The following DST variants were observed in gnomAD, a reference collection of about 807,000 sequenced individuals.
DST encodes bullous pemphigoid antigen.
In DST, 253 loss-of-function variants were observed where a neutral mutation model predicts 875.2. The observed-to-expected ratio is 0.29, with a 90% CI of 0.26 to 0.32. The LOEUF is 0.32. Among genes scored for constraint, DST ranks in the 10% least tolerant of loss-of-function variants. DST has a pLI of 1.00. For missense variants in DST, 8,287 were observed against 9,111.6 expected (o/e 0.91, Z 3.68); for synonymous variants, 3,124 against 3,197.1 (o/e 0.98, Z 0.77).
intron 4 of DST, among the ~76,000 whole-genome samples, chr6:56,778,369 T>C (rs2099683918): frequency 1.3e-5 from 2 of 150,544 alleles, no homozygotes; most frequent in Non-Finnish European, 2.9e-5. Flanking sequence ...TTTTTTTTTT[T>C]CAAATCTGTT....
intron 87 of DST, among the ~76,000 whole-genome samples, chr6:56,486,837 C>T (rs1174512298): frequency 5.3e-5 from 8 of 152,168 alleles, no homozygotes; most frequent in African/African-American, 9.6e-5. Context: ...CATGGGAAGA[C>T]GAGTCAGAAG....
chr6:56,516,158 AG>A (rs2096585750), intron 71 of DST, among the ~76,000 whole-genome samples: 1 of 75,450 alleles, frequency 1.3e-5, no homozygotes, highest in Non-Finnish European at 3.2e-5. Context: ...AAAGAGAAAG[AG>A]AGAAAGAGAA....
chr6:56,908,807 C>T (rs539475956), intron 2 of DST, among the ~76,000 whole-genome samples: 15 of 152,316 alleles, frequency 9.8e-5, no homozygotes, highest in African/African-American at 3.6e-4. Flanking sequence ...GACCTACAGT[C>T]GTCCTCACTG....
At chr6:56,730,419 G>C (rs1427529843) in intron 5 of DST, among the ~76,000 whole-genome samples, 2 of 151,830 alleles carry the variant, frequency 1.3e-5, no homozygotes, top group Non-Finnish European at 2.9e-5. Context: ...TAACTCATAG[G>C]TGCCATTTCT....
chr6:56,748,811 A>C (rs1040329144), intron 4 of DST, among the ~76,000 whole-genome samples: 5 of 152,206 alleles, frequency 3.3e-5, no homozygotes, highest in Non-Finnish European at 1.5e-5. Context: ...TCCACTGTAC[A>C]AAATTAAGAG....
intron 69 of DST, among the ~76,000 whole-genome samples, chr6:56,519,486 T>C (rs1162480435): frequency 2.0e-5 from 3 of 152,166 alleles, no homozygotes; most frequent in African/African-American, 7.2e-5. Flanking sequence ...GTTGAGACCA[T>C]GTGGGGAGGC....
intron 4 of DST, among the ~76,000 whole-genome samples, chr6:56,789,857 G>T (rs2099713411): frequency 1.3e-5 from 2 of 152,142 alleles, no homozygotes; most frequent in Admixed American, 1.3e-4. Flanking sequence ...CCCATCAATG[G>T]ACACTTAGCT....
intron 86 of DST, among the ~76,000 whole-genome samples, chr6:56,488,069 T>C (rs2095621055): frequency 1.3e-5 from 2 of 152,206 alleles, no homozygotes; most frequent in South Asian, 4.1e-4. Flanking sequence ...AATAGGCAAC[T>C]ACATCTGGAA....
intron 10 of DST, among the ~76,000 whole-genome samples, chr6:56,652,483 C>A (rs915340140): frequency 6.6e-6 from 1 of 152,138 alleles, no homozygotes; most frequent in Non-Finnish European, 1.5e-5. Context: ...TCAAAATAAT[C>A]ATTTGGGAAA....
At chr6:56,843,807 T>C (rs967575735) in intron 4 of DST, 1 of 565,766 alleles carries the variant, frequency 1.8e-6, no homozygotes, top group East Asian at 1.4e-4. Context: ...GCGCCCCGGC[T>C]GGCTCAGCTC....
At chr6:56,651,084 T>C (rs772926444) in intron 11 of DST, 48 bp downstream of exon 11, 32 of 1,590,358 alleles carry the variant, frequency 2.0e-5, no homozygotes, top group Non-Finnish European at 2.7e-5. Context: ...AAATTACTTT[T>C]GATCAGACTT....
At chr6:56,569,353 A>G (rs919635529) in intron 54 of DST, among the ~76,000 whole-genome samples, 135 of 146,804 alleles carry the variant, frequency 9.2e-4, no homozygotes, top group African/African-American at 3.4e-3. Flanking sequence ...AAACACACAC[A>G]CACATCCACA....
rs769311096 is a variant in DST, at chr6:56,601,453, T to C, written c.11531A>G (p.Asp3844Gly). 6.3e-7 allele frequency: 1 copy of C among 1,590,624 alleles called. No individual in the cohort carries two copies. Among genetic ancestry groups the C allele is most frequent in the Non-Finnish European group, 8.6e-7 (1 of 1,167,634 alleles). ...ETQLHLEQDL[D>G]DQKIVAERQQ... ...CGAAGAAAGGCAAACCTTCTGATCA[T>C]CAAGATCTTGTTCTAGATGTAACTG... The change falls in exon 44 of 104, where the codon GAT (aspartate) becomes GGT (glycine). Residue 3844 changes from aspartate (D) to glycine (G), a missense_variant. Physicochemically the swap from Asp to Gly is moderately conservative, Grantham distance 94 (BLOSUM62 -1). Coordinates refer to ENST00000680361, the MANE Select transcript of DST (RefSeq NM_001374736.1).
chr6:56,954,140 T>TA, intron 1 of DST, among the ~76,000 whole-genome samples: 1 of 152,306 alleles, frequency 6.6e-6, no homozygotes, highest in Non-Finnish European at 1.5e-5. Flanking sequence ...AAATTACCCT[T>TA]AAGGCTTTAG....
At position 56,470,038 on chromosome 6, in the gene DST, G is replaced by A. The variant is rs868850564; in HGVS notation, c.22477-81C>T. The A allele has an allele frequency of 8.8e-6, 14 of 1,596,640 alleles. No individual in the cohort carries two copies. The South Asian group carries it at 1.3e-4, about 15-fold the overall frequency. ...CCTTAAAACTTTGACACAACAATTA[G>A]AGTGAAAATAAAATGGTTGTATGAA... On this transcript the variant is annotated intron_variant, in intron 96 of 103. Coordinates refer to ENST00000680361, the MANE Select transcript of DST (RefSeq NM_001374736.1).
intron 71 of DST, among the ~76,000 whole-genome samples, chr6:56,516,211 G>A (rs1039916935): frequency 6.6e-6 from 1 of 151,884 alleles, no homozygotes; most frequent in Non-Finnish European, 1.5e-5. Flanking sequence ...GAAAGAGAAA[G>A]AGGAATCAAA....
chr6:56,679,550 C>A (rs182282822), intron 9 of DST, among the ~76,000 whole-genome samples: 328 of 150,636 alleles, frequency 2.2e-3, no homozygotes, highest in Non-Finnish European at 3.3e-3. Flanking sequence ...ATCACTTGAG[C>A]CCAGGAGTTC....
intron 4 of DST, among the ~76,000 whole-genome samples, chr6:56,834,753 C>A (rs2099791494): frequency 6.6e-6 from 1 of 152,148 alleles, no homozygotes; most frequent in African/African-American, 2.4e-5. Context: ...TCATTCATTG[C>A]TGGTGGAAAT....
intron 2 of DST, among the ~76,000 whole-genome samples, chr6:56,901,189 T>C (rs1313907375): frequency 6.6e-6 from 1 of 152,240 alleles, no homozygotes. Flanking sequence ...AAATGCTGAC[T>C]TCTTAATTAC....
Sources: allele counts gnomAD v4.1 joint callset (sites outside exome capture counted in the v4.1 genomes callset), GRCh38; gene constraint gnomAD v4.1.1; transcripts MANE v1.5; gene names NCBI Gene and HGNC (gene_info 2026-07-23, HGNC 2026-07-21).